The following SLC25A21 variants were observed in gnomAD, a reference collection of about 807,000 sequenced individuals.
SLC25A21 encodes solute carrier family 25 member 21.
A neutral mutation model predicts 43.8 loss-of-function variants in SLC25A21; 47 were observed. That is an observed-to-expected ratio of 1.07 (90% CI 0.85 to 1.37). SLC25A21 has a LOEUF of 1.37. SLC25A21 is among the 40% of genes most tolerant of loss of function. The pLI is 0.00. For synonymous variants in SLC25A21, 131 were observed against 121.3 expected (o/e 1.08, Z -0.52); for missense variants, 352 against 350.2 (o/e 1.00, Z -0.04).
chr14:37,141,265 G>A (rs1006027571), intron 1 of SLC25A21, among the ~76,000 whole-genome samples: 1 of 151,902 alleles, frequency 6.6e-6, no homozygotes, highest in African/African-American at 2.4e-5. Flanking sequence ...TCAAACTTTA[G>A]CCTTCCCAGT....
chr14:37,134,929 C>CTT (rs34540986), intron 1 of SLC25A21, among the ~76,000 whole-genome samples: 63 of 139,440 alleles, frequency 4.5e-4, no homozygotes, highest in African/African-American at 1.4e-3. Context: ...CTCATCTCTA[C>CTT]TTTTTTTTTT....
chr14:37,133,643 C>T (rs1351353662), intron 1 of SLC25A21, among the ~76,000 whole-genome samples: 1 of 151,928 alleles, frequency 6.6e-6, no homozygotes, highest in South Asian at 2.1e-4. Context: ...AAAAAAACCA[C>T]CAACACCTGC....
intron 2 of SLC25A21, among the ~76,000 whole-genome samples, chr14:36,873,165 G>A (rs1185319839): frequency 6.6e-6 from 1 of 152,074 alleles, no homozygotes; most frequent in East Asian, 1.9e-4. Flanking sequence ...AGGTTAACAT[G>A]GAATCTAAGA....
intron 1 of SLC25A21, among the ~76,000 whole-genome samples, chr14:37,005,807 C>T (rs1460484936): frequency 2.0e-5 from 3 of 152,112 alleles, no homozygotes; most frequent in African/African-American, 4.8e-5. Flanking sequence ...ACATAAAACA[C>T]GCATGTACTT....
intron 1 of SLC25A21, among the ~76,000 whole-genome samples, chr14:37,143,589 CGTGTGTGTGTGTGT>C (rs10531936): frequency 6.7e-6 from 1 of 148,538 alleles, no homozygotes; most frequent in Non-Finnish European, 1.5e-5. Flanking sequence ...TGTTCATTAG[CGTGTGTGTGTGTGT>C]GTGTGTGTGT....
intron 1 of SLC25A21, among the ~76,000 whole-genome samples, chr14:36,965,141 A>G (rs1469158207): frequency 6.6e-6 from 1 of 152,152 alleles, no homozygotes; most frequent in African/African-American, 2.4e-5. Flanking sequence ...TCCCTTTTAG[A>G]ATCCCCAGAA....
chr14:36,826,261 G>A (rs1018768613), intron 2 of SLC25A21, among the ~76,000 whole-genome samples: 1 of 152,124 alleles, frequency 6.6e-6, no homozygotes, highest in Admixed American at 6.5e-5. Context: ...GGGTCAGTGG[G>A]GACCTCTTGA....
chr14:36,979,887 A>C (rs1410391371), intron 1 of SLC25A21, among the ~76,000 whole-genome samples: 1 of 152,180 alleles, frequency 6.6e-6, no homozygotes, highest in Non-Finnish European at 1.5e-5. Flanking sequence ...GCAATTTGTA[A>C]GACCACAGAG....
chr14:36,839,325 A>G (rs1889306900), intron 2 of SLC25A21, among the ~76,000 whole-genome samples: 1 of 152,232 alleles, frequency 6.6e-6, no homozygotes, highest in South Asian at 2.1e-4. Context: ...TTCATTCAAT[A>G]TCTACTATAA....
intron 1 of SLC25A21, among the ~76,000 whole-genome samples, chr14:36,951,846 T>C (rs1208983897): frequency 1.3e-5 from 2 of 152,118 alleles, no homozygotes; most frequent in Admixed American, 1.3e-4. Context: ...TTACATATAC[T>C]ACAAGTAGAG....
At chr14:36,926,526 G>A (rs556831677) in intron 1 of SLC25A21, among the ~76,000 whole-genome samples, 1 of 152,136 alleles carries the variant, frequency 6.6e-6, no homozygotes, top group Non-Finnish European at 1.5e-5. Context: ...TTCTTAAGAT[G>A]GAGTGACATC....
chr14:36,964,317 T>C (rs996579391), intron 1 of SLC25A21, among the ~76,000 whole-genome samples: 1 of 152,224 alleles, frequency 6.6e-6, no homozygotes, highest in Non-Finnish European at 1.5e-5. Context: ...CCTTTTTGTA[T>C]AGACTCAACA....
intron 7 of SLC25A21, among the ~76,000 whole-genome samples, chr14:36,690,707 A>T (rs934247011): frequency 6.6e-6 from 1 of 152,124 alleles, no homozygotes; most frequent in Non-Finnish European, 1.5e-5. Flanking sequence ...GGGTGTGAAA[A>T]AAATGGAGGG....
At chr14:36,804,189 A>G (rs1385539102) in intron 3 of SLC25A21, among the ~76,000 whole-genome samples, 1 of 152,174 alleles carries the variant, frequency 6.6e-6, no homozygotes. Flanking sequence ...TTGTACATAG[A>G]CCAGAAAAGT....
chr14:37,030,029 T>C (rs532374789), intron 1 of SLC25A21, among the ~76,000 whole-genome samples: 2 of 152,220 alleles, frequency 1.3e-5, no homozygotes, highest in South Asian at 4.1e-4. Flanking sequence ...CTTCCCAAAG[T>C]GCTGGGATTA....
intron 2 of SLC25A21, among the ~76,000 whole-genome samples, chr14:36,857,281 C>G (rs1356710377): frequency 6.6e-6 from 1 of 152,120 alleles, no homozygotes; most frequent in East Asian, 1.9e-4. Flanking sequence ...TCCTAAACAC[C>G]AAGGGAGCTG....
chr14:37,056,325 C>T (rs528224341), intron 1 of SLC25A21, among the ~76,000 whole-genome samples: 1 of 151,958 alleles, frequency 6.6e-6, no homozygotes, highest in Non-Finnish European at 1.5e-5. Context: ...CCCGTCTCTA[C>T]TAAAAATACA....
At chr14:36,758,936 G>A (rs1886038582) in intron 3 of SLC25A21, among the ~76,000 whole-genome samples, 1 of 152,182 alleles carries the variant, frequency 6.6e-6, no homozygotes, top group South Asian at 2.1e-4. Context: ...CTTCTGGAAC[G>A]TGCATTATCC....
intron 1 of SLC25A21, among the ~76,000 whole-genome samples, chr14:37,048,821 C>T (rs944292328): frequency 6.6e-6 from 1 of 152,080 alleles, no homozygotes; most frequent in Non-Finnish European, 1.5e-5. Context: ...TCAAAGGGAG[C>T]CTTGGATTTA....
Sources: gnomAD v4.1 joint callset for allele counts (sites outside exome capture counted in the v4.1 genomes callset) on GRCh38, gnomAD v4.1.1 for gene constraint, MANE v1.5 for transcripts, NCBI Gene and HGNC (gene_info 2026-07-23, HGNC 2026-07-21) for gene names.